The following PARD3B variants were observed in gnomAD, a reference collection of about 807,000 sequenced individuals.
PARD3B encodes the protein partitioning defective 3 homolog B.
In PARD3B, 103 loss-of-function variants were observed where a neutral mutation model predicts 130.2. The observed-to-expected ratio is 0.79, with a 90% CI of 0.67 to 0.93. The LOEUF (loss-of-function observed/expected upper bound fraction) is 0.93. PARD3B is among the 40% of genes least tolerant of loss of function. The pLI, the probability that PARD3B is intolerant of heterozygous loss-of-function variation, is 0.00. For synonymous variants in PARD3B, 583 were observed against 553.2 expected (o/e 1.05, Z -0.76); for missense variants, 1,609 against 1,499.2 (o/e 1.07, Z -1.21).
intron 1 of PARD3B, among the ~76,000 whole-genome samples, chr2:204,646,180 G>A (rs1395348027): frequency 6.6e-6 from 1 of 152,078 alleles, no homozygotes; most frequent in Non-Finnish European, 1.5e-5. Context: ...CTCTGCACTT[G>A]TATTACCACT....
At chr2:204,877,202 T>C (rs935193499) in intron 2 of PARD3B, among the ~76,000 whole-genome samples, 1 of 151,612 alleles carries the variant, frequency 6.6e-6, no homozygotes, top group Non-Finnish European at 1.5e-5. Context: ...ATGAGAACAC[T>C]TGGACACAGG....
intron 19 of PARD3B, among the ~76,000 whole-genome samples, chr2:205,426,567 A>G (rs996319299): frequency 2.0e-5 from 3 of 152,092 alleles, no homozygotes; most frequent in Non-Finnish European, 4.4e-5. Flanking sequence ...TACCATTACC[A>G]CTATAGGGAG....
At chr2:205,058,336 A>T in intron 4 of PARD3B, among the ~76,000 whole-genome samples, 1 of 151,926 alleles carries the variant, frequency 6.6e-6, no homozygotes, top group Non-Finnish European at 1.5e-5. Flanking sequence ...TTATCTACTC[A>T]TCTCTTGATG....
rs140334849 is a variant in PARD3B at position 204,965,110 on chromosome 2, C to T, written c.223-42C>T. 2,542 of 1,591,274 alleles carry T rather than the reference C, an allele frequency of 1.6e-3. 44 individuals are homozygous for T. In the African/African-American group the frequency reaches 0.03, roughly 19 times the overall value. The stretch of plus-strand genomic sequence containing the variant: ...AGCTAGATAGTGTCCGTGTGGTATG[C>T]ATGTCCTACAAAGTAATTAGTGTTG... On this transcript the variant is annotated intron_variant, in intron 2 of 22. Coordinates refer to ENST00000406610, the MANE Select transcript of PARD3B (RefSeq NM_001302769.2).
chr2:205,106,481 ATGTGTGTGTGTGTG>A (rs202186761), intron 5 of PARD3B, among the ~76,000 whole-genome samples: 12,863 of 146,868 alleles, frequency 0.088, 905 homozygotes, highest in East Asian at 0.3. Context: ...TAAGAAATGT[ATGTGTGTGTGTGTG>A]TGTGTGTGTG....
chr2:205,007,517 A>G (rs771161500), intron 3 of PARD3B, among the ~76,000 whole-genome samples: 2 of 151,976 alleles, frequency 1.3e-5, no homozygotes, highest in East Asian at 3.9e-4. Flanking sequence ...TGGATTCTCT[A>G]TTCTGTTCCA....
chr2:205,201,961 G>C (rs1574371802), intron 15 of PARD3B, among the ~76,000 whole-genome samples: 1 of 152,160 alleles, frequency 6.6e-6, no homozygotes, highest in East Asian at 1.9e-4. Flanking sequence ...TAATTGTAGT[G>C]AGATGAATAG....
At chr2:205,428,929 G>T (rs1020769127) in intron 19 of PARD3B, among the ~76,000 whole-genome samples, 3 of 151,982 alleles carry the variant, frequency 2.0e-5, no homozygotes, top group African/African-American at 7.2e-5. Context: ...AAAACAAAGG[G>T]GTCCTTGGAG....
chr2:204,909,242 C>G (rs2047145730), intron 2 of PARD3B, among the ~76,000 whole-genome samples: 1 of 151,994 alleles, frequency 6.6e-6, no homozygotes, highest in Admixed American at 6.6e-5. Context: ...CATAATGTTA[C>G]AGAAATTACA....
At chr2:205,110,391 T>C (rs565822556) in intron 5 of PARD3B, among the ~76,000 whole-genome samples, 2 of 152,342 alleles carry the variant, frequency 1.3e-5, no homozygotes, top group South Asian at 4.1e-4. Context: ...CAGCTTCGCC[T>C]ATAGTTTTGT....
chr2:205,510,784 T>C (rs1421563919), intron 21 of PARD3B, among the ~76,000 whole-genome samples: 1 of 152,188 alleles, frequency 6.6e-6, no homozygotes, highest in Non-Finnish European at 1.5e-5. Flanking sequence ...AATTATTTAC[T>C]CAATAAATTA....
chr2:204,997,044 C>A (rs192216832), intron 3 of PARD3B, among the ~76,000 whole-genome samples: 3 of 152,154 alleles, frequency 2.0e-5, no homozygotes, highest in African/African-American at 7.2e-5. Context: ...CCGTCTTCTG[C>A]GTCGCTCACG....
intron 1 of PARD3B, among the ~76,000 whole-genome samples, chr2:204,595,457 T>G (rs1186888915): frequency 6.6e-6 from 1 of 152,208 alleles, no homozygotes; most frequent in Non-Finnish European, 1.5e-5. Flanking sequence ...TCCTGTTTCT[T>G]ATTGCTGTTC....
At chr2:205,199,405 G>A (rs1256654685) in intron 15 of PARD3B, among the ~76,000 whole-genome samples, 1 of 152,020 alleles carries the variant, frequency 6.6e-6, no homozygotes, top group Non-Finnish European at 1.5e-5. Flanking sequence ...TAGAAAAGAG[G>A]AAGAGAGAAG....
At chr2:204,820,474 A>G (rs2043308933) in intron 2 of PARD3B, among the ~76,000 whole-genome samples, 1 of 152,016 alleles carries the variant, frequency 6.6e-6, no homozygotes, top group South Asian at 2.1e-4. Context: ...CCTGGTTTCG[A>G]AGGACAGGCT....
chr2:205,032,401 C>T (rs867519549), intron 3 of PARD3B, among the ~76,000 whole-genome samples: 6 of 152,044 alleles, frequency 3.9e-5, no homozygotes, highest in African/African-American at 9.7e-5. Context: ...GAACAGAGTG[C>T]GACTTCTTCC....
chr2:205,372,572 A>G (rs910582940), intron 18 of PARD3B, among the ~76,000 whole-genome samples: 1 of 152,268 alleles, frequency 6.6e-6, no homozygotes, highest in South Asian at 2.1e-4. Context: ...TGAGAAATGT[A>G]GAGAAAAATG....
chr2:205,143,050 C>T (rs1057037918), intron 10 of PARD3B, among the ~76,000 whole-genome samples: 3 of 152,078 alleles, frequency 2.0e-5, no homozygotes, highest in African/African-American at 7.2e-5. Context: ...GAAGAGGTAG[C>T]TTATGTGCTG....
At chr2:204,701,871 C>T (rs1173364374) in intron 2 of PARD3B, among the ~76,000 whole-genome samples, 1 of 151,964 alleles carries the variant, frequency 6.6e-6, no homozygotes, top group Non-Finnish European at 1.5e-5. Flanking sequence ...CAAGAGTTAG[C>T]GTTTGAACCC....
Sources: allele counts gnomAD v4.1 joint callset (sites outside exome capture counted in the v4.1 genomes callset), GRCh38; gene constraint gnomAD v4.1.1; transcripts MANE v1.5; gene names NCBI Gene and HGNC (gene_info 2026-07-23, HGNC 2026-07-21).